The following PRKG1 variants were observed in gnomAD, a reference collection of about 807,000 sequenced individuals.
PRKG1 encodes the protein cGMP-dependent protein kinase 1.
In PRKG1, 35 loss-of-function variants were observed where a neutral mutation model predicts 88.1. The observed-to-expected ratio is 0.40, with a 90% confidence interval of 0.30 to 0.53. The LOEUF (loss-of-function observed/expected upper bound fraction) is 0.53. PRKG1 is among the 20% of genes least tolerant of loss of function. The pLI is 0.59. For synonymous variants in PRKG1, 303 were observed against 292.5 expected (o/e 1.04, Z -0.37); for missense variants, 540 against 839.8 (o/e 0.64, Z 4.41).
rs535790366 is a variant in PRKG1, at chr10:51,944,539, A to G, written c.762+36969A>G. Among the ~76,000 whole-genome samples, 11 of 151,934 alleles carry G rather than the reference A, an allele frequency of 7.2e-5. No homozygotes were observed. In the East Asian group the frequency reaches 1.9e-3, roughly 27 times the overall value. ...TCTTACTTTTCTAGTTCTTTTAATT[A>G]TAATGTTAGGGTGTCAATTTTGGAT... On this transcript the variant is annotated intron_variant, in intron 5 of 17. Coordinates refer to ENST00000373980, the MANE Select transcript of PRKG1 (RefSeq NM_006258.4).
intron 7 of PRKG1, among the ~76,000 whole-genome samples, chr10:52,112,378 T>C (rs746614729): frequency 5.9e-4 from 90 of 152,246 alleles, no homozygotes; most frequent in Middle Eastern, 6.8e-3. Context: ...AGCATATACG[T>C]TAATAGTTAT....
At chr10:51,760,815 T>C (rs1704790650) in intron 3 of PRKG1, among the ~76,000 whole-genome samples, 1 of 152,012 alleles carries the variant, frequency 6.6e-6, no homozygotes, top group African/African-American at 2.4e-5. Flanking sequence ...GTCAGAGAAA[T>C]TGAAAAGAGG....
intron 1 of PRKG1, among the ~76,000 whole-genome samples, chr10:51,108,332 A>G (rs1280145911): frequency 3.9e-5 from 6 of 152,124 alleles, no homozygotes; most frequent in Non-Finnish European, 8.8e-5. Flanking sequence ...TCATGAACAT[A>G]AAATGCAAAA....
intron 1 of PRKG1, among the ~76,000 whole-genome samples, chr10:51,013,983 A>C (rs1303354578): frequency 3.9e-5 from 6 of 152,248 alleles, no homozygotes; most frequent in Non-Finnish European, 5.9e-5. Context: ...GCAGGAAAGA[A>C]TACTGGGATA....
chr10:52,147,445 A>G (rs778003741), intron 8 of PRKG1, among the ~76,000 whole-genome samples: 2 of 152,230 alleles, frequency 1.3e-5, no homozygotes, highest in Non-Finnish European at 2.9e-5. Context: ...AAACAAAAAC[A>G]GTTTCAGAGA....
rs143620966 is a variant in PRKG1, at chr10:51,261,062, C to A, written c.478+107732C>A. ...TCAAGGGATTGGAACATTTCCCAACCTTTTCCAAGCAAAGATATAAAGTAT... is the reference window on the plus strand; with the variant it reads ...TCAAGGGATTGGAACATTTCCCAACATTTTCCAAGCAAAGATATAAAGTAT... On this transcript the variant is annotated intron_variant, in intron 2 of 17. Transcript: ENST00000373980. 6.6e-5 allele frequency among the ~76,000 whole-genome samples: 10 copies of A among 152,168 alleles called. No homozygotes were observed. In the East Asian group the frequency reaches 1.9e-3, roughly 29 times the overall value.
At chr10:51,994,435 G>C (rs754453903) in intron 5 of PRKG1, among the ~76,000 whole-genome samples, 3 of 152,088 alleles carry the variant, frequency 2.0e-5, no homozygotes, top group African/African-American at 7.2e-5. Flanking sequence ...AACTTCCAAA[G>C]TAGATAATAT....
At chr10:51,560,940 T>C (rs775461116) in intron 3 of PRKG1, among the ~76,000 whole-genome samples, 3 of 151,866 alleles carry the variant, frequency 2.0e-5, no homozygotes, top group Non-Finnish European at 4.4e-5. Flanking sequence ...CAAGAAACAT[T>C]GTGTGCTTAG....
At chr10:51,451,075 C>T (rs866926956) in intron 2 of PRKG1, among the ~76,000 whole-genome samples, 9 of 151,628 alleles carry the variant, frequency 5.9e-5, no homozygotes, top group East Asian at 1.9e-4. Context: ...ACACTACTTT[C>T]GACTACCAAA....
At chr10:51,550,551 A>G (rs1236025729) in intron 3 of PRKG1, among the ~76,000 whole-genome samples, 3 of 152,008 alleles carry the variant, frequency 2.0e-5, no homozygotes, top group Non-Finnish European at 2.9e-5. Flanking sequence ...ACAAAATGCT[A>G]GTTTTCAAAC....
rs915048533 is a variant in PRKG1, at chr10:51,554,415, A to G, written c.592+86579A>G. On this transcript the variant is annotated intron_variant, in intron 3 of 17. Coordinates refer to ENST00000373980, the MANE Select transcript of PRKG1 (RefSeq NM_006258.4). ...TATGTATATATAAAAATATATGTAT[A>G]TTTATCGTGTGTGTGTGTGTGTGTG... Among the ~76,000 whole-genome samples the G allele has an allele frequency of 2.6e-5, 3 of 116,062 alleles. No homozygotes were observed. In the Admixed American group the frequency reaches 2.6e-4, roughly 10 times the overall value. The allele number at this position is 116,062 out of a possible 152,430, so 76.1% of individuals were successfully genotyped here.
chr10:52,133,756 A>C lies in PRKG1; in HGVS notation c.936-84A>C. The C allele has an allele frequency of 3.4e-6, 4 of 1,180,082 alleles. No individual in the cohort carries two copies. The South Asian group carries it at 5.5e-5, about 16-fold the overall frequency. The allele number at this position is 1,180,082 out of a possible 1,614,324, so 73.1% of individuals were successfully genotyped here. A position where few individuals can be genotyped will look rare whatever the true frequency, so the allele number is the denominator to read the frequency against. ...AAATCAGAAGAGTTTATATAATGTA[A>C]ATTTTTTCCTGAATTAATCACAATG... is the stretch of plus-strand genomic sequence containing the variant. On this transcript the variant is annotated intron_variant, in intron 7 of 17. Transcript: ENST00000373980.
At chr10:51,759,784 G>C (rs1367175208) in intron 3 of PRKG1, among the ~76,000 whole-genome samples, 1 of 152,076 alleles carries the variant, frequency 6.6e-6, no homozygotes, top group Admixed American at 6.6e-5. Context: ...ATGTGTGTGT[G>C]TGTGTGTTTG....
chr10:51,620,969 G>T (rs1589136789), intron 3 of PRKG1, among the ~76,000 whole-genome samples: 1 of 143,406 alleles, frequency 7.0e-6, no homozygotes, highest in East Asian at 2.1e-4. Flanking sequence ...ATGTTAAACT[G>T]ATTCCGTATA....
chr10:51,697,928 CCTCCTTGTATACTGA>C (rs756336830), intron 3 of PRKG1: 21 of 1,598,870 alleles, frequency 1.3e-5, no homozygotes, highest in African/African-American at 6.8e-5. Flanking sequence ...TTGTATACCT[CCTCCTTGTATACTGA>C]CTCCTTGTAT....
chr10:51,163,040 T>C (rs1180119184), intron 2 of PRKG1, among the ~76,000 whole-genome samples: 3 of 151,944 alleles, frequency 2.0e-5, no homozygotes, highest in Non-Finnish European at 4.4e-5. Context: ...TAAACCCGAA[T>C]AGTAATCCCA....
chr10:51,800,446 A>G (rs1480689881), intron 3 of PRKG1, among the ~76,000 whole-genome samples: 1 of 152,142 alleles, frequency 6.6e-6, no homozygotes, highest in Non-Finnish European at 1.5e-5. Context: ...CATGCACAGA[A>G]CACTTACATC....
intron 3 of PRKG1, among the ~76,000 whole-genome samples, chr10:51,507,787 T>TC (rs1273779008): frequency 1.3e-5 from 2 of 152,212 alleles, no homozygotes; most frequent in Non-Finnish European, 2.9e-5. Context: ...AGGCTAGAGC[T>TC]CTTTCAATTA....
chr10:51,384,555 T>C (rs1187045229), intron 2 of PRKG1, among the ~76,000 whole-genome samples: 2 of 152,188 alleles, frequency 1.3e-5, no homozygotes, highest in African/African-American at 4.8e-5. Flanking sequence ...TTAATCAAAA[T>C]TGTTTCACTT....
Sources: allele counts gnomAD v4.1 joint callset (sites outside exome capture counted in the v4.1 genomes callset), GRCh38; gene constraint gnomAD v4.1.1; transcripts MANE v1.5; gene names NCBI Gene and HGNC (gene_info 2026-07-23, HGNC 2026-07-21).